The following STON2 variants were observed in gnomAD, a reference collection of about 807,000 sequenced individuals.
STON2 encodes stonin 2.
A neutral mutation model predicts 65.7 loss-of-function variants in STON2; 29 were observed. The ratio of observed to expected loss-of-function variants is 0.44; its 90% CI spans 0.33 to 0.60. The LOEUF is 0.60. Among genes scored for constraint, STON2 ranks in the 20% least tolerant of loss-of-function variants. The pLI, the probability that STON2 is intolerant of heterozygous loss-of-function variation, is 0.03. For synonymous variants in STON2, 404 were observed against 414.2 expected (o/e 0.98, Z 0.30); for missense variants, 1,054 against 1,118.1 (o/e 0.94, Z 0.82).
chr14:81,342,147 GT>G (rs1390531167), intron 4 of STON2, among the ~76,000 whole-genome samples: 1 of 147,808 alleles, frequency 6.8e-6, no homozygotes, highest in South Asian at 2.2e-4. Flanking sequence ...GAGTTTTTTT[GT>G]TTTTTTTTTG....
At chr14:81,390,253 C>T (rs78601247) in intron 3 of STON2, among the ~76,000 whole-genome samples, 4,115 of 151,818 alleles carry the variant, frequency 0.027, 198 homozygotes, top group African/African-American at 0.094. Flanking sequence ...GAAAGACAAC[C>T]GCAAGAGATG....
intron 5 of STON2, among the ~76,000 whole-genome samples, chr14:81,302,943 T>C (rs1468868418): frequency 6.6e-6 from 1 of 152,168 alleles, no homozygotes; most frequent in African/African-American, 2.4e-5. Context: ...CTGCCATCTA[T>C]AGTTTGGAGG....
At position 81,306,167 on chromosome 14, in the gene STON2, C is replaced by A. The variant is rs867517003; in HGVS notation, c.742+17850G>T. ...GATTCTTTTAAATCTCTCTCTCTCTCTATATATATATATATATACACTCTA... is the reference window on the plus strand; with the variant it reads ...GATTCTTTTAAATCTCTCTCTCTCTATATATATATATATATATACACTCTA... On this transcript the variant is annotated intron_variant, in intron 5 of 7. Coordinates refer to ENST00000614646, the MANE Select transcript of STON2 (RefSeq NM_001394390.1). 7.9e-4 allele frequency among the ~76,000 whole-genome samples: 104 copies of A among 132,342 alleles called. 1 individual carries two copies. The highest frequency in any genetic ancestry group is 2.8e-3 in the African/African-American group (90 of 31,912). 86.8% of individuals were successfully genotyped at this position (132,342 alleles called of 152,430 possible). A position where few individuals can be genotyped will look rare whatever the true frequency, so the allele number is the denominator to read the frequency against.
At chr14:81,403,627 T>C (rs899861044), upstream of STON2, among the ~76,000 whole-genome samples, 3 of 152,176 alleles carry the variant, frequency 2.0e-5, no homozygotes, top group African/African-American at 7.2e-5. Flanking sequence ...TGCAGCATCC[T>C]AACCAGACCC....
At chr14:81,319,329 A>G (rs906393605) in intron 5 of STON2, among the ~76,000 whole-genome samples, 6 of 151,710 alleles carry the variant, frequency 4.0e-5, no homozygotes, top group Admixed American at 1.3e-4. Context: ...TTTTTTTTCA[A>G]TTGACTCTAA....
intron 2 of STON2, among the ~76,000 whole-genome samples, chr14:81,423,464 A>C (rs1901815052): frequency 6.6e-6 from 1 of 152,196 alleles, no homozygotes; most frequent in African/African-American, 2.4e-5. Context: ...ATCTGGCTCA[A>C]GTTGCTTTCG....
intron 4 of STON2, among the ~76,000 whole-genome samples, chr14:81,349,644 C>G (rs1488457910): frequency 6.6e-6 from 1 of 152,058 alleles, no homozygotes. Flanking sequence ...TAAATTAGTA[C>G]AGCCATTATA....
At chr14:81,338,596 C>T (rs1480955989) in intron 4 of STON2, among the ~76,000 whole-genome samples, 1 of 152,186 alleles carries the variant, frequency 6.6e-6, no homozygotes, top group Non-Finnish European at 1.5e-5. Context: ...TCTGGTCGAT[C>T]AGAAGTATAG....
At chr14:81,401,091 A>AGC (rs2140452309), upstream of STON2, among the ~76,000 whole-genome samples, 1 of 152,344 alleles carries the variant, frequency 6.6e-6, no homozygotes, top group African/African-American at 2.4e-5. Context: ...ACTTGTTCGT[A>AGC]GAAGTCTTGG....
At chr14:81,376,237 T>C (rs1205805309) in intron 3 of STON2, among the ~76,000 whole-genome samples, 2 of 151,812 alleles carry the variant, frequency 1.3e-5, no homozygotes, top group Middle Eastern at 3.2e-3. Flanking sequence ...GATAAAATGT[T>C]CTTAGAGAAG....
chr14:81,313,660 T>G (rs1232954675), intron 5 of STON2, among the ~76,000 whole-genome samples: 1 of 151,682 alleles, frequency 6.6e-6, no homozygotes, highest in Non-Finnish European at 1.5e-5. Context: ...CCAGGTATGG[T>G]GACGGGTGCC....
At chr14:81,359,820 T>C (rs1214093848) in intron 4 of STON2, among the ~76,000 whole-genome samples, 4 of 152,220 alleles carry the variant, frequency 2.6e-5, no homozygotes, top group Admixed American at 6.6e-5. Flanking sequence ...CACAAGGAAA[T>C]AGAAAATCTG....
intron 5 of STON2, among the ~76,000 whole-genome samples, chr14:81,317,670 T>C (rs998637622): frequency 1.3e-5 from 2 of 152,192 alleles, no homozygotes; most frequent in African/African-American, 4.8e-5. Flanking sequence ...GGCTCGGCTA[T>C]GGGAAAAGGT....
chr14:81,263,986 C>T lies in STON2; in HGVS notation c.*4428G>A, dbSNP rs1347703217. 1.6e-5 allele frequency: 16 copies of T among 985,228 alleles called. No individual in the cohort carries two copies. Among genetic ancestry groups the T allele is most frequent in the Admixed American group, 6.2e-5 (1 of 16,252 alleles). 61.0% of individuals were successfully genotyped at this position (985,228 alleles called of 1,614,324 possible). A position where few individuals can be genotyped will look rare whatever the true frequency, so the allele number is the denominator to read the frequency against. ...TGGTGACAAAATAAATGCAAAGTAA[C>T]GGTCAGCGGTTAGTGCTGGAAGAAC... On this transcript the variant is annotated 3_prime_UTR_variant, in exon 8 of 8. Coordinates refer to ENST00000614646, the MANE Select transcript of STON2 (RefSeq NM_001394390.1).
Position 81,267,545 on chromosome 14 carries a change from G to A in STON2, c.*869C>T, listed in dbSNP as rs1894404632. 4 of 985,170 alleles carry A rather than the reference G, an allele frequency of 4.1e-6. No individual in the cohort carries two copies. The South Asian group carries it at 1.9e-4, about 46-fold the overall frequency. 61.0% of individuals were successfully genotyped at this position (985,170 alleles called of 1,614,324 possible). ...CAGGTATTATGTATATTTGTTTCAG[G>A]AATCAGAAGTGGACTGTATTTTTCA... On this transcript the variant is annotated 3_prime_UTR_variant, in exon 8 of 8. Coordinates refer to ENST00000614646, the MANE Select transcript of STON2 (RefSeq NM_001394390.1).
At position 81,267,579 on chromosome 14, in the gene STON2, T is replaced by G; in HGVS notation, c.*835A>C. Reference sequence around the variant, plus strand: ...GTGGACTGTATTTTTCAGTGTGAATTTGGGAATTCACTGAGATTGAATCTA... The same window carrying G: ...GTGGACTGTATTTTTCAGTGTGAATGTGGGAATTCACTGAGATTGAATCTA... On this transcript the variant is annotated 3_prime_UTR_variant, in exon 8 of 8. Transcript: ENST00000614646. 6.1e-6 allele frequency: 6 copies of G among 985,398 alleles called. No homozygotes were observed. Among genetic ancestry groups the G allele is most frequent in the Non-Finnish European group, 7.2e-6 (6 of 829,894 alleles). 61.0% of individuals were successfully genotyped at this position (985,398 alleles called of 1,614,324 possible).
Position 81,277,043 on chromosome 14 carries a change from T to C in STON2, c.2439A>G (p.Lys813=), listed in dbSNP as rs369699912. ...SVLGEKSLKA[K]VNRGASFGST... Reference sequence around the variant, plus strand: ...AGCCAAAACTTGCCCCCCGGTTCACTTTGGCTTTCAAAGACTTTTCCCCCA... The same window carrying C: ...AGCCAAAACTTGCCCCCCGGTTCACCTTGGCTTTCAAAGACTTTTCCCCCA... Residue 813 remains lysine (K), a synonymous_variant, in exon 6 of 8, where the codon AAA becomes AAG. Transcript: ENST00000614646. The C allele has an allele frequency of 6.2e-7, 1 of 1,614,204 alleles. No homozygotes were observed.
At position 81,261,942 on chromosome 14, in the gene STON2, GAT is replaced by G; in HGVS notation, c.*6470_*6471del. ...GTCTGTTTCTGTTGTCTGGGGAAAT[GAT>G]AAAAAAAAAAAAAAAAAAGAGAGAG... On this transcript the variant is annotated 3_prime_UTR_variant, in exon 8 of 8. Transcript: ENST00000614646. 5 of 963,692 alleles carry G rather than the reference GAT, an allele frequency of 5.2e-6. No individual in the cohort carries two copies. The highest frequency in any genetic ancestry group is 3.9e-6 in the Non-Finnish European group (3 of 774,662). The allele number at this position is 963,692 out of a possible 1,614,324, so 59.7% of individuals were successfully genotyped here.
At chr14:81,304,005 C>T (rs375706896) in intron 5 of STON2, among the ~76,000 whole-genome samples, 31 of 152,296 alleles carry the variant, frequency 2.0e-4, no homozygotes, top group African/African-American at 4.8e-4. Context: ...CTTTTAACAA[C>T]GGCATGAGTT....
Sources: gnomAD v4.1 joint callset for allele counts (sites outside exome capture counted in the v4.1 genomes callset) on GRCh38, gnomAD v4.1.1 for gene constraint, MANE v1.5 for transcripts, NCBI Gene and HGNC (gene_info 2026-07-23, HGNC 2026-07-21) for gene names.